The following ADAMTSL1 variants were observed in gnomAD, a reference collection of about 807,000 sequenced individuals.
The protein encoded by ADAMTSL1 is ADAMTS-like protein 1.
A neutral mutation model predicts 201.8 loss-of-function variants in ADAMTSL1; 126 were observed. The observed-to-expected ratio is 0.62, with a 90% CI of 0.54 to 0.72. The LOEUF (loss-of-function observed/expected upper bound fraction) is 0.72. Ranked by LOEUF, ADAMTSL1 falls within the 30% of genes least tolerant of loss-of-function variation. ADAMTSL1 has a pLI of 0.00. For synonymous variants in ADAMTSL1, 1,121 were observed against 903.4 expected, an observed-to-expected ratio of 1.24 and a Z score of -4.32; for missense variants, 2,679 against 2,277.8, an observed-to-expected ratio of 1.18 and a Z score of -3.59.
intron 12 of ADAMTSL1, among the ~76,000 whole-genome samples, chr9:18,682,780 T>C (rs948149688): frequency 3.3e-5 from 5 of 152,180 alleles, no homozygotes; most frequent in Non-Finnish European, 7.3e-5. Context: ...TTTATTATAC[T>C]ATAGGTGGCC....
At chr9:18,033,979 C>T (rs991426337) in intron 1 of ADAMTSL1, among the ~76,000 whole-genome samples, 39 of 152,090 alleles carry the variant, frequency 2.6e-4, no homozygotes, top group Non-Finnish European at 4.4e-4. Flanking sequence ...ACTTTTCTTC[C>T]CTCCTCTCTT....
chr9:18,132,152 C>T (rs1334252076), intron 1 of ADAMTSL1, among the ~76,000 whole-genome samples: 1 of 152,088 alleles, frequency 6.6e-6, no homozygotes, highest in East Asian at 1.9e-4. Flanking sequence ...AAACAAGATG[C>T]CCTACTTTAC....
chr9:18,676,311 A>G lies in ADAMTSL1; in HGVS notation c.1136+404A>G, dbSNP rs1040580030. Among the ~76,000 whole-genome samples the G allele has an allele frequency of 3.3e-5, 5 of 152,104 alleles. No individual in the cohort carries two copies. The East Asian group carries it at 9.6e-4, about 29-fold the overall frequency. ...CCTAAAGTATTATTGCACTACCACT[A>G]ACATGGAATTCCAGATGTGATATTA... On this transcript the variant is annotated intron_variant, in intron 10 of 28. Coordinates refer to ENST00000380548, the MANE Select transcript of ADAMTSL1 (RefSeq NM_001040272.6).
At chr9:18,007,193 C>G (rs892662074) in intron 1 of ADAMTSL1, among the ~76,000 whole-genome samples, 2 of 152,014 alleles carry the variant, frequency 1.3e-5, no homozygotes, top group African/African-American at 4.8e-5. Context: ...CATCACAGAA[C>G]TCCTTTTCCA....
At chr9:18,226,830 AAATT>A (rs1830448082) in intron 2 of ADAMTSL1, among the ~76,000 whole-genome samples, 1 of 152,124 alleles carries the variant, frequency 6.6e-6, no homozygotes, top group African/African-American at 2.4e-5. Flanking sequence ...CAGAAGAAAA[AAATT>A]AATAATAGTA....
At chr9:18,328,649 G>A (rs868563616) in intron 2 of ADAMTSL1, among the ~76,000 whole-genome samples, 1 of 152,308 alleles carries the variant, frequency 6.6e-6, no homozygotes, top group African/African-American at 2.4e-5. Flanking sequence ...TCCATACACT[G>A]TGCCGCATCT....
At chr9:18,096,166 A>G (rs776151986) in intron 1 of ADAMTSL1, among the ~76,000 whole-genome samples, 4 of 152,180 alleles carry the variant, frequency 2.6e-5, no homozygotes, top group Non-Finnish European at 4.4e-5. Context: ...GTAATATGGC[A>G]TGTACTACTT....
chr9:17,972,310 C>A (rs1178029177), intron 1 of ADAMTSL1, among the ~76,000 whole-genome samples: 1 of 82,396 alleles, frequency 1.2e-5, no homozygotes, highest in Non-Finnish European at 2.5e-5. Context: ...CTATCCCTCC[C>A]CCCTCCCCCC....
intron 2 of ADAMTSL1, among the ~76,000 whole-genome samples, chr9:18,203,911 C>T (rs1301258100): frequency 6.6e-6 from 1 of 152,028 alleles, no homozygotes; most frequent in African/African-American, 2.4e-5. Flanking sequence ...GGAAAGAGGA[C>T]CTCTGTGTTC....
intron 5 of ADAMTSL1, among the ~76,000 whole-genome samples, chr9:18,623,617 G>A (rs1293169507): frequency 1.3e-5 from 2 of 152,106 alleles, no homozygotes; most frequent in African/African-American, 4.8e-5. Flanking sequence ...TGGTACCTAC[G>A]CCAAAAATTG....
intron 2 of ADAMTSL1, among the ~76,000 whole-genome samples, chr9:18,333,650 A>T (rs370689267): frequency 1.3e-5 from 2 of 152,192 alleles, no homozygotes; most frequent in Non-Finnish European, 2.9e-5. Context: ...ACTCTAAACC[A>T]GTTGCTGTAA....
chr9:18,874,776 T>C (rs1828046488), intron 23 of ADAMTSL1, among the ~76,000 whole-genome samples: 1 of 152,174 alleles, frequency 6.6e-6, no homozygotes, highest in Admixed American at 6.5e-5. Context: ...TGATACTGGC[T>C]TCATAGACTG....
At chr9:18,322,352 A>C (rs989159802) in intron 2 of ADAMTSL1, among the ~76,000 whole-genome samples, 9 of 152,176 alleles carry the variant, frequency 5.9e-5, no homozygotes, top group African/African-American at 2.2e-4. Context: ...CATTAGCAGT[A>C]CCAGGTGTGG....
chr9:18,183,038 T>G (rs141420722), intron 2 of ADAMTSL1, among the ~76,000 whole-genome samples: 226 of 152,312 alleles, frequency 1.5e-3, no homozygotes, highest in African/African-American at 5.2e-3. Context: ...TTCCTATATG[T>G]TATTGCCTGC....
chr9:18,483,483 C>T (rs963195746), intron 1 of ADAMTSL1, among the ~76,000 whole-genome samples: 1 of 152,052 alleles, frequency 6.6e-6, no homozygotes, highest in South Asian at 2.1e-4. Context: ...ATGTCACATG[C>T]GGAAGAAACC....
At chr9:18,099,326 A>AATATATATATATATATATATATAT (rs71333027) in intron 1 of ADAMTSL1, among the ~76,000 whole-genome samples, 23 of 57,570 alleles carry the variant, frequency 4.0e-4, no homozygotes, top group African/African-American at 8.1e-4. Context: ...GCAAATGGAA[A>AATATATATATATATATATATATAT]ATATATATAT....
chr9:18,844,498 C>G (rs1311162471), intron 23 of ADAMTSL1, among the ~76,000 whole-genome samples: 7 of 152,230 alleles, frequency 4.6e-5, no homozygotes, highest in Admixed American at 4.6e-4. Context: ...CAGGGACCCA[C>G]TTGAGAAGGC....
intron 2 of ADAMTSL1, among the ~76,000 whole-genome samples, chr9:18,243,935 C>T (rs1831161388): frequency 6.6e-6 from 1 of 151,736 alleles, no homozygotes; most frequent in Non-Finnish European, 1.5e-5. Flanking sequence ...GTCATGAATG[C>T]TTAGTGCAGT....
chr9:18,347,253 G>C (rs1017905049), intron 2 of ADAMTSL1, among the ~76,000 whole-genome samples: 1 of 151,620 alleles, frequency 6.6e-6, no homozygotes, highest in Non-Finnish European at 1.5e-5. Context: ...ATATTCCTGG[G>C]GCTGAAGCTG....
Sources: allele counts gnomAD v4.1 joint callset (sites outside exome capture counted in the v4.1 genomes callset), GRCh38; gene constraint gnomAD v4.1.1; transcripts MANE v1.5; gene names NCBI Gene and HGNC (gene_info 2026-07-23, HGNC 2026-07-21).